The following CTNND2 variants were observed in gnomAD, a reference collection of about 807,000 sequenced individuals.
CTNND2 encodes catenin delta 2.
In CTNND2, 22 loss-of-function variants were observed where a neutral mutation model predicts 144.4. The observed-to-expected ratio is 0.15, with a 90% CI of 0.11 to 0.22. CTNND2 has a LOEUF of 0.22. Ranked by LOEUF, CTNND2 falls within the 10% of genes least tolerant of loss-of-function variation. CTNND2 has a pLI of 1.00. For missense variants in CTNND2, 1,353 were observed against 1,618.8 expected, an observed-to-expected ratio of 0.84 and a Z score of 2.82; for synonymous variants, 751 against 695.6, an observed-to-expected ratio of 1.08 and a Z score of -1.25.
At chr5:11,046,504 A>G (rs530045031) in intron 16 of CTNND2, among the ~76,000 whole-genome samples, 1 of 152,328 alleles carries the variant, frequency 6.6e-6, no homozygotes, top group African/African-American at 2.4e-5. Context: ...TAGGAACCCT[A>G]TTAAACCAAC....
intron 3 of CTNND2, among the ~76,000 whole-genome samples, chr5:11,496,788 T>C (rs992302647): frequency 1.3e-5 from 2 of 152,184 alleles, no homozygotes; most frequent in African/African-American, 4.8e-5. Flanking sequence ...CAGTGGTATA[T>C]GTTAGTTCCA....
At chr5:11,667,422 G>A (rs1219759081) in intron 2 of CTNND2, among the ~76,000 whole-genome samples, 3 of 152,118 alleles carry the variant, frequency 2.0e-5, no homozygotes, top group Non-Finnish European at 2.9e-5. Flanking sequence ...ATCCTCTCCA[G>A]TATCTGTTGT....
chr5:11,284,054 GCACATTCC>G (rs1365188039), intron 9 of CTNND2, among the ~76,000 whole-genome samples: 1 of 152,150 alleles, frequency 6.6e-6, no homozygotes, highest in African/African-American at 2.4e-5. Flanking sequence ...GGAAAGCCCA[GCACATTCC>G]CACTGCTGCC....
At chr5:11,880,011 G>A (rs559480421) in intron 1 of CTNND2, among the ~76,000 whole-genome samples, 1 of 152,204 alleles carries the variant, frequency 6.6e-6, no homozygotes, top group Non-Finnish European at 1.5e-5. Flanking sequence ...CCTGGGTTCT[G>A]GAGTCACCAC....
chr5:11,443,339 T>TG (rs1764490382), intron 3 of CTNND2, among the ~76,000 whole-genome samples: 1 of 72,162 alleles, frequency 1.4e-5, no homozygotes, highest in African/African-American at 6.5e-5. Flanking sequence ...GTGGTGTGTG[T>TG]GGGGAGTGTG....
intron 1 of CTNND2, among the ~76,000 whole-genome samples, chr5:11,898,511 G>T (rs1206040074): frequency 6.6e-6 from 1 of 151,904 alleles, no homozygotes; most frequent in Non-Finnish European, 1.5e-5. Context: ...CACTTCTCTG[G>T]CCTTTACCTA....
At chr5:11,295,923 G>C (rs1181021363) in intron 9 of CTNND2, among the ~76,000 whole-genome samples, 3 of 152,096 alleles carry the variant, frequency 2.0e-5, no homozygotes, top group African/African-American at 7.2e-5. Context: ...ATAGGCATGG[G>C]CAAGGACTTC....
At chr5:11,665,442 C>T (rs764276110) in intron 2 of CTNND2, among the ~76,000 whole-genome samples, 3 of 152,090 alleles carry the variant, frequency 2.0e-5, no homozygotes, top group African/African-American at 4.8e-5. Context: ...TGCCTGAACC[C>T]GTGTATAAAT....
At chr5:11,360,272 T>A (rs796144346) in intron 8 of CTNND2, among the ~76,000 whole-genome samples, 1 of 152,110 alleles carries the variant, frequency 6.6e-6, no homozygotes, top group South Asian at 2.1e-4. Flanking sequence ...AAATCCTCTT[T>A]GGTGGGAAAG....
chr5:11,066,466 C>G (rs534192003), intron 16 of CTNND2, among the ~76,000 whole-genome samples: 4 of 151,732 alleles, frequency 2.6e-5, no homozygotes, highest in African/African-American at 4.8e-5. Flanking sequence ...CCTCCTCCCC[C>G]ACCCTGACCC....
rs911698001 is a variant in CTNND2 at position 11,042,828 on chromosome 5, C to A, written c.2789-19849G>T. ...GCTTGGGGTGGTTGGACCATCACTTCATCTCTTTTCCTAACACATATAATG... is the reference window on the plus strand; with the variant it reads ...GCTTGGGGTGGTTGGACCATCACTTAATCTCTTTTCCTAACACATATAATG... On this transcript the variant is annotated intron_variant, in intron 16 of 21. Coordinates refer to ENST00000304623, the MANE Select transcript of CTNND2 (RefSeq NM_001332.4). 3.9e-5 allele frequency among the ~76,000 whole-genome samples: 6 copies of A among 152,270 alleles called. 1 individual carries two copies. The South Asian group carries it at 1.2e-3, about 32-fold the overall frequency.
chr5:11,555,587 A>G (rs1018986784), intron 3 of CTNND2, among the ~76,000 whole-genome samples: 2 of 152,242 alleles, frequency 1.3e-5, no homozygotes, highest in African/African-American at 4.8e-5. Context: ...AATCTTGAGG[A>G]CCCAAAAAGT....
intron 7 of CTNND2, among the ~76,000 whole-genome samples, chr5:11,368,284 C>T (rs1757159837): frequency 6.6e-6 from 1 of 152,210 alleles, no homozygotes; most frequent in Non-Finnish European, 1.5e-5. Flanking sequence ...AGAACTACCA[C>T]ATATCCTGTC....
At chr5:11,243,240 G>T (rs901105352) in intron 9 of CTNND2, among the ~76,000 whole-genome samples, 1 of 152,182 alleles carries the variant, frequency 6.6e-6, no homozygotes, top group African/African-American at 2.4e-5. Context: ...AATGGTCTTT[G>T]GATGCAACCA....
chr5:11,157,570 C>A (rs1160283865), intron 12 of CTNND2, among the ~76,000 whole-genome samples: 1 of 152,226 alleles, frequency 6.6e-6, no homozygotes, highest in Non-Finnish European at 1.5e-5. Context: ...AGCAGGTGGT[C>A]AGCAAATGCT....
intron 1 of CTNND2, among the ~76,000 whole-genome samples, chr5:11,768,278 G>A (rs1350821505): frequency 6.7e-6 from 1 of 148,744 alleles, no homozygotes; most frequent in Non-Finnish European, 1.5e-5. Context: ...GTTTTGTTTT[G>A]TTTTGTTTTG....
In CTNND2 at chr5:11,441,368, ATTTTTTTTTT is replaced by A. The variant is rs774610481; in HGVS notation, c.288-29309_288-29300del. Among the ~76,000 whole-genome samples the A allele has an allele frequency of 3.0e-4, 30 of 98,768 alleles. No homozygotes were observed. The East Asian group carries it at 9.0e-3, about 30-fold the overall frequency. 64.8% of individuals were successfully genotyped at this position (98,768 alleles called of 152,430 possible). On this transcript the variant is annotated intron_variant, in intron 3 of 21. Coordinates refer to ENST00000304623, the MANE Select transcript of CTNND2 (RefSeq NM_001332.4). ...AAAGTGTTCAATTCTCCAATGTGGG[ATTTTTTTTTT>A]TTTTTTTTTTTTTTTTTAAAGACAG...
At chr5:11,020,104 C>T (rs965894698) in intron 17 of CTNND2, among the ~76,000 whole-genome samples, 15 of 152,090 alleles carry the variant, frequency 9.9e-5, no homozygotes, top group Non-Finnish European at 1.6e-4. Flanking sequence ...GCTGTGCCAG[C>T]GGTGGGATCA....
intron 12 of CTNND2, among the ~76,000 whole-genome samples, chr5:11,150,331 C>T (rs746366846): frequency 2.0e-5 from 3 of 152,132 alleles, no homozygotes; most frequent in Non-Finnish European, 2.9e-5. Flanking sequence ...TCTACTGGCC[C>T]GCACAGTGAC....
Sources: allele counts gnomAD v4.1 joint callset (sites outside exome capture counted in the v4.1 genomes callset), GRCh38; gene constraint gnomAD v4.1.1; transcripts MANE v1.5; gene names NCBI Gene and HGNC (gene_info 2026-07-23, HGNC 2026-07-21).